Variants in ZNRF3 observed in about 807,000 individuals in gnomAD.
ZNRF3 encodes E3 ubiquitin-protein ligase ZNRF3.
In ZNRF3, 23 loss-of-function variants were observed where a neutral mutation model predicts 72.5. That is an observed-to-expected ratio of 0.32 (90% CI 0.23 to 0.45). The LOEUF is 0.45. ZNRF3 is among the 20% of genes least tolerant of loss of function. ZNRF3 has a pLI of 1.00. For missense variants in ZNRF3, 1,169 were observed against 1,272.1 expected (o/e 0.92, Z 1.23); for synonymous variants, 610 against 545.3 (o/e 1.12, Z -1.65).
intron 5 of ZNRF3, among the ~76,000 whole-genome samples, chr22:29,045,381 AAG>A (rs1447711019): frequency 6.6e-6 from 1 of 151,818 alleles, no homozygotes; most frequent in African/African-American, 2.4e-5. Context: ...AAAAAAAAAA[AAG>A]ATCAAAACTT....
intron 1 of ZNRF3, among the ~76,000 whole-genome samples, chr22:28,985,105 G>T (rs536355823): frequency 6.6e-6 from 1 of 152,124 alleles, no homozygotes; most frequent in South Asian, 2.1e-4. Context: ...CTCATTTTTG[G>T]CCTGCACCCT....
intron 1 of ZNRF3, among the ~76,000 whole-genome samples, chr22:28,897,894 A>G (rs2034029850): frequency 6.6e-6 from 1 of 152,154 alleles, no homozygotes; most frequent in African/African-American, 2.4e-5. Context: ...TAGCATAGTG[A>G]GAGGGATGTG....
At position 28,994,176 on chromosome 22, in the gene ZNRF3, C is replaced by CTTTTTTTTTTTTT. The variant is rs57329565; in HGVS notation, c.426+6990_426+7002dup. Among the ~76,000 whole-genome samples the CTTTTTTTTTTTTT allele has an allele frequency of 7.8e-3, 310 of 39,800 alleles. 43 individuals carry two copies. The highest frequency in any genetic ancestry group is 9.8e-3 in the African/African-American group (88 of 8,978). The allele number at this position is 39,800 out of a possible 152,430, so 26.1% of individuals were successfully genotyped here. A position where few individuals can be genotyped will look rare whatever the true frequency, so the allele number is the denominator to read the frequency against. On this transcript the variant is annotated intron_variant, in intron 2 of 8. Transcript: ENST00000544604. ...TCCTTTATTGTCCTTCAGTTCCTTT[C>CTTTTTTTTTTTTT]TTTTTTTTTTTTTTTTTTTTTTTTT...
In ZNRF3 at chr22:29,018,266, G is replaced by A. The variant is rs150171360; in HGVS notation, c.427-24229G>A. 43 of 260,320 alleles carry A rather than the reference G, an allele frequency of 1.7e-4. No homozygotes were observed. In the East Asian group the frequency reaches 4.0e-3, roughly 24 times the overall value. 16.1% of individuals were successfully genotyped at this position (260,320 alleles called of 1,614,324 possible). A position where few individuals can be genotyped will look rare whatever the true frequency, so the allele number is the denominator to read the frequency against. Reference sequence around the variant, plus strand: ...ACAGGGTAGCAGGGATGCAAAGGGAGAGCCCACTTGAAAATGATTCTTTAT... The same window carrying A: ...ACAGGGTAGCAGGGATGCAAAGGGAAAGCCCACTTGAAAATGATTCTTTAT... On this transcript the variant is annotated intron_variant, in intron 2 of 8. Coordinates refer to ENST00000544604, the MANE Select transcript of ZNRF3 (RefSeq NM_001206998.2).
chr22:28,960,607 A>C (rs763228186), intron 1 of ZNRF3, among the ~76,000 whole-genome samples: 1 of 152,244 alleles, frequency 6.6e-6, no homozygotes, highest in African/African-American at 2.4e-5. Context: ...GATAGGGGCT[A>C]TATTTTTAAA....
intron 2 of ZNRF3, among the ~76,000 whole-genome samples, chr22:29,023,731 A>G (rs2036576916): frequency 6.6e-6 from 1 of 152,114 alleles, no homozygotes; most frequent in Non-Finnish European, 1.5e-5. Context: ...CTCCAAAGGG[A>G]GTGGTTTGTG....
At chr22:29,031,752 G>A (rs1369669125) in intron 2 of ZNRF3, 2 of 437,490 alleles carry the variant, frequency 4.6e-6, no homozygotes, top group Admixed American at 1.3e-4. Context: ...GTCAGGCGTG[G>A]CCAGTCCCTA....
At chr22:29,017,616 CCAATTTAGGGTGACCATAT>C (rs2036460161) in intron 2 of ZNRF3, among the ~76,000 whole-genome samples, 1 of 151,872 alleles carries the variant, frequency 6.6e-6, no homozygotes, top group East Asian at 1.9e-4. Context: ...CACTGGAAGA[CCAATTTAGGGTGACCATAT>C]CATTTGTCAT....
At chr22:28,981,408 C>T (rs1260963808) in intron 1 of ZNRF3, among the ~76,000 whole-genome samples, 2 of 152,142 alleles carry the variant, frequency 1.3e-5, no homozygotes, top group African/African-American at 4.8e-5. Context: ...CCAGGCTGGT[C>T]TCGAACTCCT....
intron 1 of ZNRF3, among the ~76,000 whole-genome samples, chr22:28,977,862 A>C (rs1305573946): frequency 6.6e-6 from 1 of 152,208 alleles, no homozygotes; most frequent in Non-Finnish European, 1.5e-5. Context: ...AGTATATCTC[A>C]AGGATTTTGT....
intron 2 of ZNRF3, among the ~76,000 whole-genome samples, chr22:28,996,304 T>C (rs1049436007): frequency 5.3e-5 from 8 of 152,220 alleles, no homozygotes; most frequent in African/African-American, 1.4e-4. Context: ...AAATGTATGG[T>C]GAGGTTTTCC....
intron 1 of ZNRF3, among the ~76,000 whole-genome samples, chr22:28,968,752 ATC>A (rs1360863029): frequency 6.6e-6 from 1 of 152,186 alleles, no homozygotes; most frequent in African/African-American, 2.4e-5. Context: ...TTTTCATTTA[ATC>A]TCAAATAAAT....
chr22:28,920,696 CCT>C (rs1228269151), intron 1 of ZNRF3, among the ~76,000 whole-genome samples: 1 of 151,962 alleles, frequency 6.6e-6, no homozygotes, highest in Non-Finnish European at 1.5e-5. Flanking sequence ...TGCTTTTTTC[CCT>C]CTCATTAGAA....
In ZNRF3 at chr22:28,966,357, A is replaced by G. The variant is rs375881465; in HGVS notation, c.301-20719A>G. Among the ~76,000 whole-genome samples, 111 of 152,236 alleles carry G rather than the reference A, an allele frequency of 7.3e-4. 1 individual carries two copies. The highest frequency in any genetic ancestry group is 1.3e-3 in the Non-Finnish European group (88 of 68,036). ...ATTATAATGGAACTGAAAAATTTCT[A>G]TCACTCAGTATTTACTGTATTTTTT... is the stretch of plus-strand genomic sequence containing the variant. On this transcript the variant is annotated intron_variant, in intron 1 of 8. Coordinates refer to ENST00000544604, the MANE Select transcript of ZNRF3 (RefSeq NM_001206998.2).
At chr22:28,886,462 T>C (rs1336804956) in intron 1 of ZNRF3, among the ~76,000 whole-genome samples, 2 of 152,194 alleles carry the variant, frequency 1.3e-5, no homozygotes, top group Non-Finnish European at 2.9e-5. Context: ...CCTCCTTTTG[T>C]TTACTATCTT....
At chr22:28,918,781 G>A (rs1023586275) in intron 1 of ZNRF3, among the ~76,000 whole-genome samples, 6 of 152,076 alleles carry the variant, frequency 3.9e-5, no homozygotes, top group Non-Finnish European at 8.8e-5. Context: ...GCTCCCTACT[G>A]GGGTAGGAAA....
intron 1 of ZNRF3, among the ~76,000 whole-genome samples, chr22:28,952,022 A>G (rs1045506771): frequency 2.0e-5 from 3 of 152,132 alleles, no homozygotes; most frequent in Admixed American, 6.5e-5. Flanking sequence ...CAGCATGGGT[A>G]TATCTGGCTT....
intron 2 of ZNRF3, among the ~76,000 whole-genome samples, chr22:29,033,771 A>G (rs2036811323): frequency 6.6e-6 from 1 of 152,114 alleles, no homozygotes; most frequent in African/African-American, 2.4e-5. Flanking sequence ...AATGGGGGAG[A>G]TGGGGTACCT....
At chr22:28,910,617 G>C (rs1308291731) in intron 1 of ZNRF3, among the ~76,000 whole-genome samples, 3 of 152,200 alleles carry the variant, frequency 2.0e-5, no homozygotes, top group Non-Finnish European at 4.4e-5. Context: ...AGTGTTCACA[G>C]AATCACCGAG....
Sources: gnomAD v4.1 joint callset for allele counts (sites outside exome capture counted in the v4.1 genomes callset) on GRCh38, gnomAD v4.1.1 for gene constraint, MANE v1.5 for transcripts, NCBI Gene and HGNC (gene_info 2026-07-23, HGNC 2026-07-21) for gene names.